The following DCAF6 variants were observed in gnomAD, a reference collection of about 807,000 sequenced individuals.
The protein encoded by DCAF6 is DDB1- and CUL4-associated factor 6.
In DCAF6, 54 loss-of-function variants were observed where a neutral mutation model predicts 125.1. The ratio of observed to expected loss-of-function variants is 0.43; its 90% CI spans 0.35 to 0.54. The LOEUF (loss-of-function observed/expected upper bound fraction) is 0.54, where lower values mean the gene tolerates loss of function less well. DCAF6 is among the 20% of genes least tolerant of loss of function. The pLI is 0.01. For missense variants in DCAF6, 934 were observed against 1,161.7 expected, an observed-to-expected ratio of 0.80 and a Z score of 2.85; for synonymous variants, 371 against 390.4, an observed-to-expected ratio of 0.95 and a Z score of 0.58.
intron 10 of DCAF6, among the ~76,000 whole-genome samples, chr1:168,011,512 G>T (rs1023579925): frequency 9.2e-5 from 14 of 152,170 alleles, no homozygotes; most frequent in African/African-American, 3.1e-4. Context: ...GGCCTATGTA[G>T]AATTATTATA....
intron 21 of DCAF6, among the ~76,000 whole-genome samples, chr1:168,073,944 CATTTATTTTATAAATATGTATTG>C (rs1693452650): frequency 7.0e-6 from 1 of 143,040 alleles, no homozygotes. Context: ...TTATTTTGTT[CATTTATTTTATAAATATGTATTG>C]AATACATATT....
intron 21 of DCAF6, among the ~76,000 whole-genome samples, chr1:168,069,434 CAG>C (rs1692761007): frequency 6.6e-6 from 1 of 152,190 alleles, no homozygotes; most frequent in South Asian, 2.1e-4. Context: ...TTTCCCACCT[CAG>C]GGTTTTTATA....
At chr1:168,021,785 A>G (rs1410137193) in intron 11 of DCAF6, among the ~76,000 whole-genome samples, 1 of 152,218 alleles carries the variant, frequency 6.6e-6, no homozygotes, top group Non-Finnish European at 1.5e-5. Context: ...AAGCAATCAA[A>G]TCCTATAAAA....
the DCAF6 span, among the ~76,000 whole-genome samples, chr1:167,905,564 T>A: frequency 6.6e-6 from 1 of 151,604 alleles, no homozygotes. Context: ...CCTTTTACCC[T>A]CTCTCTACCT....
At chr1:167,902,546 T>C in the DCAF6 span, among the ~76,000 whole-genome samples, 3 of 152,254 alleles carry the variant, frequency 2.0e-5, no homozygotes, top group African/African-American at 7.2e-5. Context: ...CGGTATGGCA[T>C]AAATGGCCAT....
At chr1:167,888,557 G>T in the DCAF6 span, among the ~76,000 whole-genome samples, 2 of 151,920 alleles carry the variant, frequency 1.3e-5, no homozygotes. Flanking sequence ...TTCTTTTTCA[G>T]ATTGTTCCCT....
chr1:167,921,689 T>C, the DCAF6 span, among the ~76,000 whole-genome samples: 1 of 152,316 alleles, frequency 6.6e-6, no homozygotes, highest in Non-Finnish European at 1.5e-5. Context: ...CAGTTTTACT[T>C]GTTAATGTAA....
In DCAF6 at chr1:167,993,206, ACTT is replaced by A. The variant is rs769286167; in HGVS notation, c.689-16_689-14del. The A allele has an allele frequency of 3.2e-6, 5 of 1,582,508 alleles. No individual in the cohort carries two copies. The East Asian group carries it at 6.7e-5, about 21-fold the overall frequency. On this transcript the variant is annotated splice_polypyrimidine_tract_variant and intron_variant, in intron 6 of 21. Coordinates refer to ENST00000367840, the MANE Select transcript of DCAF6 (RefSeq NM_001198956.2). ...TTTAAAACATTATTAATTTTAAATA[ACTT>A]CTTGTTTCTTTTTTAGGGAATTATG...
intron 4 of DCAF6, 64 bp from the exon 5 acceptor site, chr1:167,987,431 T>C (rs1197008731): frequency 5.0e-6 from 4 of 806,780 alleles, no homozygotes; most frequent in Non-Finnish European, 8.4e-6. Flanking sequence ...ATAGTAGGAA[T>C]GTTTTTCAGA....
chr1:168,029,979 C>CAAAAAAAAAAA (rs34555735), intron 12 of DCAF6, among the ~76,000 whole-genome samples: 1 of 121,784 alleles, frequency 8.2e-6, no homozygotes, highest in Non-Finnish European at 1.8e-5. Flanking sequence ...GACTCCGTCT[C>CAAAAAAAAAAA]AAAAAAAAAA....
rs1322137704 is a variant in DCAF6, at chr1:168,015,885, C to T, written c.1483C>T (p.Gln495Ter). The T allele has an allele frequency of 6.5e-7, 1 of 1,544,230 alleles. No homozygotes were observed. Among genetic ancestry groups the T allele is most frequent in the South Asian group, 1.2e-5 (1 of 82,984 alleles). The change falls in exon 11 of 22, where the codon CAG becomes TAG. Residue 495 changes from glutamine to a stop codon, truncating the protein, a stop_gained. Coordinates refer to ENST00000367840, the MANE Select transcript of DCAF6 (RefSeq NM_001198956.2). LOFTEE classifies it high-confidence loss of function. ...GCAGCAAGAGCTAGCTGCACATACC[C>T]AGCAACAGCCTTCCACTTCTGATCA... Reference protein sequence around the residue: ...QRQQELAAHTQQQPSTSDQSS... With the variant: ...QRQQELAAHT
At chr1:167,879,040 G>C in the DCAF6 span, among the ~76,000 whole-genome samples, 1 of 152,202 alleles carries the variant, frequency 6.6e-6, no homozygotes, top group Non-Finnish European at 1.5e-5. Flanking sequence ...AATTGTGTCT[G>C]CATGCTCCTA....
At chr1:168,001,425 TA>T (rs1682604158) in intron 7 of DCAF6, among the ~76,000 whole-genome samples, 1 of 152,198 alleles carries the variant, frequency 6.6e-6, no homozygotes, top group African/African-American at 2.4e-5. Flanking sequence ...TTGAACACTT[TA>T]TAATTGATCA....
intron 1 of DCAF6, among the ~76,000 whole-genome samples, chr1:167,941,120 CT>C (rs908119677): frequency 3.3e-5 from 5 of 151,860 alleles, no homozygotes; most frequent in Admixed American, 3.3e-4. Flanking sequence ...ACTTTTGCCT[CT>C]TTTTTTAGCC....
upstream of DCAF6, among the ~76,000 whole-genome samples, chr1:167,933,401 A>C (rs1373516614): frequency 6.6e-6 from 1 of 152,132 alleles, no homozygotes; most frequent in Non-Finnish European, 1.5e-5. Context: ...TCCTGACCTC[A>C]GGTGATCCAC....
intron 12 of DCAF6, among the ~76,000 whole-genome samples, chr1:168,031,499 A>C (rs746783088): frequency 2.2e-4 from 34 of 152,324 alleles, no homozygotes; most frequent in Middle Eastern, 3.4e-3. Flanking sequence ...GCCAGATTTT[A>C]GAGCAGGAGA....
Position 168,013,789 on chromosome 1 carries a change from G to A in DCAF6, c.1379-1992G>A, listed in dbSNP as rs149125468. Among the ~76,000 whole-genome samples the A allele has an allele frequency of 1.9e-3, 287 of 151,830 alleles. 1 individual carries two copies. The highest frequency in any genetic ancestry group is 3.4e-3 in the Middle Eastern group (1 of 294). On this transcript the variant is annotated intron_variant, in intron 10 of 21. Coordinates refer to ENST00000367840, the MANE Select transcript of DCAF6 (RefSeq NM_001198956.2). The stretch of plus-strand genomic sequence containing the variant: ...TTTGGTGGGTCTTCCTCTGTTGCCC[G>A]GGCTGGAGTGCAATGGTGCAGTCGT...
intron 7 of DCAF6, among the ~76,000 whole-genome samples, chr1:167,999,494 G>A (rs1682271629): frequency 2.6e-5 from 4 of 152,152 alleles, no homozygotes; most frequent in Admixed American, 2.6e-4. Context: ...TCTGATAGAA[G>A]GCTGTTTCAT....
At chr1:167,898,406 C>G in the DCAF6 span, among the ~76,000 whole-genome samples, 2 of 151,850 alleles carry the variant, frequency 1.3e-5, no homozygotes, top group African/African-American at 2.4e-5. Flanking sequence ...CAAGACCAGC[C>G]TGGCCAAGAT....
Sources: allele counts gnomAD v4.1 joint callset (sites outside exome capture counted in the v4.1 genomes callset), GRCh38; gene constraint gnomAD v4.1.1; transcripts MANE v1.5; gene names NCBI Gene and HGNC (gene_info 2026-07-23, HGNC 2026-07-21).